Variants in CNTN4 observed in about 807,000 individuals in gnomAD.
CNTN4 encodes the protein contactin 4.
A neutral mutation model predicts 122.5 loss-of-function variants in CNTN4; 77 were observed. The observed-to-expected ratio is 0.63, with a 90% CI of 0.52 to 0.76. CNTN4 has a LOEUF of 0.76. Among genes scored for constraint, CNTN4 ranks in the 30% least tolerant of loss-of-function variants. The pLI, the probability that CNTN4 is intolerant of heterozygous loss-of-function variation, is 0.00. For missense variants in CNTN4, 1,256 were observed against 1,259.1 expected, an observed-to-expected ratio of 1.00 and a Z score of 0.04; for synonymous variants, 512 against 447.0, an observed-to-expected ratio of 1.15 and a Z score of -1.83.
chr3:2,171,628 G>A (rs1039809411), intron 2 of CNTN4, among the ~76,000 whole-genome samples: 1 of 152,156 alleles, frequency 6.6e-6, no homozygotes, highest in African/African-American at 2.4e-5. Context: ...GAGATCCTAA[G>A]CCAAACCAAT....
intron 2 of CNTN4, among the ~76,000 whole-genome samples, chr3:2,200,545 C>T (rs2038049295): frequency 6.6e-6 from 1 of 152,080 alleles, no homozygotes; most frequent in African/African-American, 2.4e-5. Context: ...ACAGGACCAC[C>T]CCTTCAACAA....
chr3:2,580,736 T>C lies in CNTN4; in HGVS notation c.55+9178T>C, dbSNP rs544621660. Among the ~76,000 whole-genome samples, 21 of 152,272 alleles carry C rather than the reference T, an allele frequency of 1.4e-4. No individual in the cohort carries two copies. In the South Asian group the frequency reaches 4.3e-3, roughly 32 times the overall value. On this transcript the variant is annotated intron_variant, in intron 4 of 24. Transcript: ENST00000418658. Reference sequence around the variant, plus strand: ...TAGGAATTAGAGACAACTGCAATAATAATAGTAAGAGTAAAAAGTTATTGG... The same window carrying C: ...TAGGAATTAGAGACAACTGCAATAACAATAGTAAGAGTAAAAAGTTATTGG...
chr3:2,801,880 T>C (rs1414433141), intron 6 of CNTN4, among the ~76,000 whole-genome samples: 3 of 152,208 alleles, frequency 2.0e-5, no homozygotes, highest in African/African-American at 7.2e-5. Context: ...TTAAAGTTTA[T>C]ACTTAATGCC....
chr3:2,562,529 C>G (rs1040906333), intron 3 of CNTN4, among the ~76,000 whole-genome samples: 6 of 152,152 alleles, frequency 3.9e-5, no homozygotes, highest in African/African-American at 1.2e-4. Flanking sequence ...TGGCCTCCAG[C>G]TGCATCCATC....
chr3:2,494,797 G>A (rs755103940), intron 3 of CNTN4, among the ~76,000 whole-genome samples: 2 of 152,168 alleles, frequency 1.3e-5, no homozygotes, highest in Non-Finnish European at 2.9e-5. Flanking sequence ...AGTCTGTGTG[G>A]TCAGTCTTAA....
intron 4 of CNTN4, among the ~76,000 whole-genome samples, chr3:2,610,874 A>G (rs2081452783): frequency 1.3e-5 from 2 of 152,178 alleles, no homozygotes. Context: ...ACTTGGGAGA[A>G]ATATTTTTTC....
chr3:2,774,698 C>G (rs1251953338), intron 6 of CNTN4, among the ~76,000 whole-genome samples: 1 of 152,132 alleles, frequency 6.6e-6, no homozygotes, highest in Non-Finnish European at 1.5e-5. Context: ...GTGAGTGTCT[C>G]TTTGTTTTCA....
intron 13 of CNTN4, among the ~76,000 whole-genome samples, chr3:2,932,060 G>T (rs1006477177): frequency 3.3e-5 from 5 of 151,676 alleles, no homozygotes; most frequent in East Asian, 3.9e-4. Context: ...TGGCCGGGGT[G>T]GGGGGTGGGA....
chr3:2,710,571 A>C (rs893885065), intron 4 of CNTN4, among the ~76,000 whole-genome samples: 1 of 152,166 alleles, frequency 6.6e-6, no homozygotes, highest in Non-Finnish European at 1.5e-5. Flanking sequence ...AAAAGGTGTC[A>C]ATTGCATTTT....
At chr3:3,052,852 G>A (rs148882576) in intron 23 of CNTN4, among the ~76,000 whole-genome samples, 23 of 152,246 alleles carry the variant, frequency 1.5e-4, no homozygotes, top group Admixed American at 1.4e-3. Flanking sequence ...TTGCCTTTCC[G>A]ATATCTTCTC....
chr3:2,691,417 G>C (rs1010261374), intron 4 of CNTN4, among the ~76,000 whole-genome samples: 1 of 152,074 alleles, frequency 6.6e-6, no homozygotes, highest in Non-Finnish European at 1.5e-5. Context: ...GGAGGGTAGA[G>C]GGAAAGAAGA....
chr3:2,125,699 A>G (rs1448775017), intron 2 of CNTN4, among the ~76,000 whole-genome samples: 1 of 151,366 alleles, frequency 6.6e-6, no homozygotes, highest in Non-Finnish European at 1.5e-5. Context: ...CTGGGACTAC[A>G]GGCGCCTGCC....
chr3:2,169,622 C>T (rs1243652567), intron 2 of CNTN4, among the ~76,000 whole-genome samples: 1 of 151,972 alleles, frequency 6.6e-6, no homozygotes, highest in African/African-American at 2.4e-5. Flanking sequence ...TGGTCTCGAT[C>T]TCCTGACCTC....
chr3:2,135,561 CAGTG>C (rs1309637522), intron 2 of CNTN4, among the ~76,000 whole-genome samples: 1 of 151,502 alleles, frequency 6.6e-6, no homozygotes, highest in Non-Finnish European at 1.5e-5. Context: ...ATCAGAGAAA[CAGTG>C]AGAGTAATCA....
Position 2,837,366 on chromosome 3 carries a change from C to T in CNTN4, c.454+17785C>T, listed in dbSNP as rs1308671966. Among the ~76,000 whole-genome samples, 4 of 152,174 alleles carry T rather than the reference C, an allele frequency of 2.6e-5. No homozygotes were observed. The East Asian group carries it at 7.7e-4, about 29-fold the overall frequency. On this transcript the variant is annotated intron_variant, in intron 7 of 24. Transcript: ENST00000418658. ...AGATACTGAAGTTAAAATAGCTGTCCTTGCTTTCCTGCCTGGAGAGATGGG... is the reference window on the plus strand; with the variant it reads ...AGATACTGAAGTTAAAATAGCTGTCTTTGCTTTCCTGCCTGGAGAGATGGG...
At chr3:2,600,273 A>G (rs2080978615) in intron 4 of CNTN4, among the ~76,000 whole-genome samples, 1 of 151,732 alleles carries the variant, frequency 6.6e-6, no homozygotes, top group Non-Finnish European at 1.5e-5. Context: ...TTACATTTGT[A>G]TACACACGCC....
At chr3:2,978,961 G>C (rs1057030622) in intron 13 of CNTN4, among the ~76,000 whole-genome samples, 4 of 113,686 alleles carry the variant, frequency 3.5e-5, no homozygotes, top group Non-Finnish European at 6.6e-5. Flanking sequence ...TCCAAAGCTA[G>C]CTTGGGGAAA....
intron 12 of CNTN4, 117 bp downstream of exon 12, chr3:2,903,122 C>G: frequency 1.0e-6 from 1 of 980,688 alleles, no homozygotes; most frequent in Non-Finnish European, 1.5e-6. Flanking sequence ...AATCTTTAGG[C>G]CAAAGATGCT....
At chr3:2,398,506 A>T (rs1235042730) in intron 3 of CNTN4, among the ~76,000 whole-genome samples, 13 of 152,180 alleles carry the variant, frequency 8.5e-5, no homozygotes. Flanking sequence ...TGTATGAGAG[A>T]TTGATTCATT....
Sources: gnomAD v4.1 joint callset for allele counts (sites outside exome capture counted in the v4.1 genomes callset) on GRCh38, gnomAD v4.1.1 for gene constraint, MANE v1.5 for transcripts, NCBI Gene and HGNC (gene_info 2026-07-23, HGNC 2026-07-21) for gene names.